The following RYR3 variants were observed in gnomAD, a reference collection of about 807,000 sequenced individuals.
RYR3 encodes the protein brain ryanodine receptor-calcium release channel.
RYR3 carries 207 observed loss-of-function variants against 584.3 expected under a neutral mutation model. The ratio of observed to expected loss-of-function variants is 0.35; its 90% CI spans 0.32 to 0.40. The LOEUF (loss-of-function observed/expected upper bound fraction) is 0.40. Ranked by LOEUF, RYR3 falls within the 10% of genes least tolerant of loss-of-function variation. RYR3 has a pLI of 1.00. For missense variants in RYR3, 5,616 were observed against 6,089.2 expected (o/e 0.92, Z 2.59); for synonymous variants, 2,416 against 2,248.5 (o/e 1.07, Z -2.11).
At chr15:33,394,155 T>C (rs1169925803) in intron 1 of RYR3, among the ~76,000 whole-genome samples, 1 of 152,178 alleles carries the variant, frequency 6.6e-6, no homozygotes, top group African/African-American at 2.4e-5. Context: ...TTTTCCATGT[T>C]GGGAAATGTG....
At chr15:33,636,633 CT>C in intron 27 of RYR3, 83 bp downstream of exon 27, 1 of 1,209,074 alleles carries the variant, frequency 8.3e-7, no homozygotes, top group Non-Finnish European at 1.2e-6. Context: ...GCTCTACTTC[CT>C]TATTCGGTCT....
chr15:33,752,883 T>G (rs1388871773), intron 57 of RYR3, among the ~76,000 whole-genome samples: 4 of 152,118 alleles, frequency 2.6e-5, no homozygotes, highest in Admixed American at 6.6e-5. Context: ...ATTTGATACC[T>G]TATTTGATAT....
intron 4 of RYR3, among the ~76,000 whole-genome samples, chr15:33,532,396 G>A (rs1375870386): frequency 6.6e-6 from 1 of 151,986 alleles, no homozygotes; most frequent in Non-Finnish European, 1.5e-5. Flanking sequence ...CTGTCCCATG[G>A]TCATGGGAAG....
chr15:33,835,265 G>T (rs564108110), intron 87 of RYR3, among the ~76,000 whole-genome samples, 193 bp downstream of exon 87: 1 of 152,326 alleles, frequency 6.6e-6, no homozygotes, highest in East Asian at 1.9e-4. Context: ...CGGGGTCCCA[G>T]ACAGGCTTTT....
At chr15:33,529,046 G>A (rs964383214) in intron 3 of RYR3, among the ~76,000 whole-genome samples, 1 of 152,154 alleles carries the variant, frequency 6.6e-6, no homozygotes, top group Non-Finnish European at 1.5e-5. Context: ...ATCAATTTTT[G>A]GTAGATTGGC....
intron 16 of RYR3, among the ~76,000 whole-genome samples, chr15:33,589,134 T>C (rs763901792): frequency 6.6e-6 from 1 of 152,208 alleles, no homozygotes; most frequent in Non-Finnish European, 1.5e-5. Context: ...TGTTTTAATC[T>C]TTTCAATAAT....
intron 1 of RYR3, among the ~76,000 whole-genome samples, chr15:33,455,950 TG>T (rs2047520575): frequency 1.3e-5 from 2 of 152,236 alleles, no homozygotes; most frequent in South Asian, 4.1e-4. Flanking sequence ...TATAACCTTT[TG>T]TTAATGACTG....
intron 38 of RYR3, among the ~76,000 whole-genome samples, chr15:33,687,725 A>G (rs1050478824): frequency 6.6e-6 from 1 of 152,298 alleles, no homozygotes; most frequent in Non-Finnish European, 1.5e-5. Context: ...ATATAGACCA[A>G]TGGAACAGAA....
At chr15:33,431,296 A>G (rs2045120441) in intron 1 of RYR3, among the ~76,000 whole-genome samples, 2 of 152,256 alleles carry the variant, frequency 1.3e-5, no homozygotes, top group Admixed American at 6.5e-5. Flanking sequence ...ATCCAGCTCA[A>G]CACAGAGGGA....
At chr15:33,360,331 A>G (rs1974589806) in intron 1 of RYR3, among the ~76,000 whole-genome samples, 1 of 151,894 alleles carries the variant, frequency 6.6e-6, no homozygotes. Context: ...ACTATAGATT[A>G]GGTTTGTCTT....
intron 1 of RYR3, among the ~76,000 whole-genome samples, chr15:33,451,178 G>T (rs998371069): frequency 6.6e-6 from 1 of 152,146 alleles, no homozygotes; most frequent in Non-Finnish European, 1.5e-5. Context: ...TTTATAAAGT[G>T]CCTGGCACAG....
At chr15:33,438,324 C>A (rs187721129) in intron 1 of RYR3, among the ~76,000 whole-genome samples, 5 of 152,226 alleles carry the variant, frequency 3.3e-5, no homozygotes, top group Admixed American at 3.3e-4. Flanking sequence ...CCATCCTCCA[C>A]CCCCAGGCCA....
chr15:33,607,740 G>A (rs896661668), intron 18 of RYR3, among the ~76,000 whole-genome samples: 3 of 151,910 alleles, frequency 2.0e-5, no homozygotes, highest in African/African-American at 4.8e-5. Context: ...ATTATAAAAG[G>A]TATAATATTC....
chr15:33,808,101 C>T (rs1021201857), intron 70 of RYR3, among the ~76,000 whole-genome samples: 13 of 151,824 alleles, frequency 8.6e-5, no homozygotes, highest in African/African-American at 2.4e-4. Flanking sequence ...TAATGTGTGT[C>T]GGCTGCCATT....
chr15:33,602,107 C>A (rs773620506), intron 17 of RYR3, among the ~76,000 whole-genome samples: 4 of 152,140 alleles, frequency 2.6e-5, no homozygotes, highest in Non-Finnish European at 4.4e-5. Flanking sequence ...GGCAGGTCTG[C>A]GGTTTTGTAG....
chr15:33,457,588 G>A (rs1330011586), intron 1 of RYR3, among the ~76,000 whole-genome samples: 2 of 152,114 alleles, frequency 1.3e-5, no homozygotes, highest in Non-Finnish European at 2.9e-5. Context: ...AAGAAGAAGG[G>A]GAAAGAGGAT....
At chr15:33,865,081 AG>A (rs1597150766) in intron 103 of RYR3, 49 bp from the exon 104 acceptor site, 1 of 1,465,212 alleles carries the variant, frequency 6.8e-7, no homozygotes, top group African/African-American at 1.4e-5. Context: ...ACTGGGTTTT[AG>A]CTTTTACTGT....
chr15:33,700,802 A>C (rs1278751631), intron 41 of RYR3, among the ~76,000 whole-genome samples, 175 bp from the exon 42 acceptor site: 1 of 152,186 alleles, frequency 6.6e-6, no homozygotes, highest in Non-Finnish European at 1.5e-5. Flanking sequence ...GAGGAAGGAT[A>C]GCTAATAGAG....
At chr15:33,352,752 C>CT (rs1178982799) in intron 1 of RYR3, among the ~76,000 whole-genome samples, 2 of 152,168 alleles carry the variant, frequency 1.3e-5, no homozygotes, top group African/African-American at 4.8e-5. Context: ...AGGTTGACTA[C>CT]TACAAATAGC....
Sources: allele counts gnomAD v4.1 joint callset (sites outside exome capture counted in the v4.1 genomes callset), GRCh38; gene constraint gnomAD v4.1.1; transcripts MANE v1.5; gene names NCBI Gene and HGNC (gene_info 2026-07-23, HGNC 2026-07-21).